Variants in C16orf96 observed in about 807,000 individuals in gnomAD.
The protein encoded by C16orf96 is uncharacterized protein C16orf96.
C16orf96 carries 108 observed loss-of-function variants against 103.6 expected under a neutral mutation model. The observed-to-expected ratio is 1.04, with a 90% CI of 0.89 to 1.22. C16orf96 has a LOEUF of 1.22. Ranked by LOEUF, C16orf96 falls within the 50% of genes most tolerant of loss-of-function variation. C16orf96 has a pLI of 0.00. For synonymous variants in C16orf96, 566 were observed against 593.5 expected, an observed-to-expected ratio of 0.95 and a Z score of 0.67; for missense variants, 1,586 against 1,464.2, an observed-to-expected ratio of 1.08 and a Z score of -1.36.
chr16:4,594,523 G>A lies in C16orf96; in HGVS notation c.3027+13G>A, dbSNP rs930577935. On this transcript the variant is annotated intron_variant, in intron 13 of 15. Transcript: ENST00000444310. ...CGACTATGACAGCGTGAGTCTGGCC[G>A]GGGCCTCCTTCTCAGAGGGTGGACG... 8.4e-6 allele frequency: 13 copies of A among 1,548,818 alleles called. No individual in the cohort carries two copies. The highest frequency in any genetic ancestry group is 2.7e-5 in the African/African-American group (2 of 73,006).
In C16orf96 at chr16:4,576,466, C is replaced by T; in HGVS notation, c.1986C>T (p.Ala662=). The change falls in exon 5 of 16, where the codon GCC becomes GCT. Residue 662 remains alanine, a synonymous_variant. Coordinates refer to ENST00000444310, the MANE Select transcript of C16orf96 (RefSeq NM_001145011.2). ...CTGCCAGCATCGGTCCCGATCCAGCCCTGTCCCAGGCCATGGTGGCTACCA... is the reference window on the plus strand; with the variant it reads ...CTGCCAGCATCGGTCCCGATCCAGCTCTGTCCCAGGCCATGGTGGCTACCA... ...YSAASIGPDP[A]LSQAMVATKQ... The T allele has an allele frequency of 6.4e-7, 1 of 1,551,500 alleles. No homozygotes were observed. The highest frequency in any genetic ancestry group is 2.4e-5 in the East Asian group (1 of 40,924).
the C16orf96 span, among the ~76,000 whole-genome samples, chr16:4,541,724 G>A: frequency 6.6e-6 from 1 of 152,194 alleles, no homozygotes; most frequent in Non-Finnish European, 1.5e-5. Flanking sequence ...GCATTCCTCA[G>A]TGCAAGAAGG....
the C16orf96 span, among the ~76,000 whole-genome samples, chr16:4,540,963 G>C: frequency 1.3e-5 from 2 of 150,974 alleles, no homozygotes; most frequent in Non-Finnish European, 3.0e-5. Flanking sequence ...CACCAGGCTG[G>C]AGTGCAGTGG....
At chr16:4,580,879 C>A (rs2059576477) in intron 7 of C16orf96, among the ~76,000 whole-genome samples, 2 of 151,812 alleles carry the variant, frequency 1.3e-5, no homozygotes, top group African/African-American at 2.4e-5. Flanking sequence ...AATCCCAGCA[C>A]TTTAGGAGGC....
At chr16:4,545,276 AGC>A in the C16orf96 span, among the ~76,000 whole-genome samples, 1 of 152,126 alleles carries the variant, frequency 6.6e-6, no homozygotes, top group African/African-American at 2.4e-5. Flanking sequence ...GCGCGATGAT[AGC>A]TCACTGCAGC....
chr16:4,592,955 G>T (rs983034381), intron 11 of C16orf96, among the ~76,000 whole-genome samples: 1 of 152,238 alleles, frequency 6.6e-6, no homozygotes, highest in Non-Finnish European at 1.5e-5. Context: ...GATCATAGGT[G>T]TATGCCACCG....
chr16:4,589,316 C>T (rs1464367245), intron 9 of C16orf96, among the ~76,000 whole-genome samples: 7 of 151,924 alleles, frequency 4.6e-5, no homozygotes, highest in South Asian at 2.1e-4. Flanking sequence ...TGGTGGCTCA[C>T]GCCTGTTATC....
Position 4,579,146 on chromosome 16 carries a change from G to C in C16orf96, c.2241+121G>C. 3 of 896,362 alleles carry C rather than the reference G, an allele frequency of 3.3e-6. No individual in the cohort carries two copies. In the South Asian group the frequency reaches 5.0e-5, roughly 15 times the overall value. 55.5% of individuals were successfully genotyped at this position (896,362 alleles called of 1,614,324 possible). The stretch of plus-strand genomic sequence containing the variant: ...TGTTCTGCAGCAAAACAGGCTGGGG[G>C]AAAGCGAGCTGGCTGCGAAGGCAGC... On this transcript the variant is annotated intron_variant, in intron 6 of 15. Transcript: ENST00000444310.
rs755861404 is a variant in C16orf96, at chr16:4,588,368, A to T, written c.2592+37A>T. 1.4e-5 allele frequency: 21 copies of T among 1,528,936 alleles called. 1 individual carries two copies. In the South Asian group the frequency reaches 2.5e-4, roughly 18 times the overall value. The allele number at this position is 1,528,936 out of a possible 1,614,324, so 94.7% of individuals were successfully genotyped here. ...CATGTTGATTTTCACTTTATTCCTA[A>T]CAAATTAACCCAGAACTTAGCAACT... On this transcript the variant is annotated intron_variant, in intron 9 of 15. Coordinates refer to ENST00000444310, the MANE Select transcript of C16orf96 (RefSeq NM_001145011.2).
At position 4,576,120 on chromosome 16, in the gene C16orf96, G is replaced by C. The variant is rs1391102056; in HGVS notation, c.1640G>C (p.Gly547Ala). 7.1e-6 allele frequency: 11 copies of C among 1,551,502 alleles called. No individual in the cohort carries two copies. Among genetic ancestry groups the C allele is most frequent in the Non-Finnish European group, 9.6e-6 (11 of 1,146,972 alleles). ...CCCAAGGATAGAGTTGGCAAGGATG[G>C]GGCCCCCAAGGAAGCACAGCCTAAG... ...GDPKDRVGKD[G>A]APKEAQPKAP... The change falls in exon 5 of 16, where the codon GGG becomes GCG. Residue 547 changes from glycine (G) to alanine (A), a missense_variant. Gly to Ala is a moderately conservative substitution (Grantham distance 60). Transcript: ENST00000444310.
At chr16:4,589,933 C>T (rs1161398316) in intron 9 of C16orf96, among the ~76,000 whole-genome samples, 1 of 150,364 alleles carries the variant, frequency 6.7e-6, no homozygotes, top group Non-Finnish European at 1.5e-5. Flanking sequence ...ACCATCCTGA[C>T]CAACACGGTG....
chr16:4,560,411 A>T (rs1418880326), intron 1 of C16orf96: 1 of 152,140 alleles, frequency 6.6e-6, no homozygotes, highest in Non-Finnish European at 1.5e-5. Flanking sequence ...CATGTTGGCC[A>T]GGATGATCTT....
intron 1 of C16orf96, among the ~76,000 whole-genome samples, chr16:4,558,306 C>G (rs1236186016): frequency 6.6e-6 from 1 of 152,112 alleles, no homozygotes; most frequent in Non-Finnish European, 1.5e-5. Context: ...TTACTGGCAG[C>G]CCAAGAAGAA....
rs2059546391 is a variant in C16orf96 at position 4,578,861 on chromosome 16, T to A, written c.2156-79T>A. Reference sequence around the variant, plus strand: ...GGGCAGTGCTGCCTGAGATGCTCCATAAGAGAAGCAGCTAGAGCCCAACAG... The same window carrying A: ...GGGCAGTGCTGCCTGAGATGCTCCAAAAGAGAAGCAGCTAGAGCCCAACAG... On this transcript the variant is annotated intron_variant, in intron 5 of 15. Transcript: ENST00000444310. The A allele has an allele frequency of 2.5e-5, 27 of 1,090,792 alleles. No individual in the cohort carries two copies. In the South Asian group the frequency reaches 3.7e-4, roughly 15 times the overall value. 67.6% of individuals were successfully genotyped at this position (1,090,792 alleles called of 1,614,324 possible).
chr16:4,592,578 C>T (rs982918174), intron 11 of C16orf96, among the ~76,000 whole-genome samples: 2 of 152,220 alleles, frequency 1.3e-5, no homozygotes, highest in Non-Finnish European at 2.9e-5. Flanking sequence ...CTGTTCTGTA[C>T]CGTCAAGTCC....
Position 4,556,586 on chromosome 16 carries a change from A to T in C16orf96, c.97A>T (p.Ile33Phe), listed in dbSNP as rs1004425071. The change falls in exon 1 of 16, where the codon ATC (isoleucine) becomes TTC (phenylalanine). Residue 33 changes from isoleucine to phenylalanine, a missense_variant. Physicochemically the swap from Ile to Phe is conservative, Grantham distance 21. Transcript: ENST00000444310. ...GGCCCTGCACCTCCTGCTGCACGGC[A>T]TCTTGGAGCACATCCACATGGCCGA... ...FKALHLLLHG[I>F]LEHIHMAELK... 9 of 1,551,594 alleles carry T rather than the reference A, an allele frequency of 5.8e-6. No homozygotes were observed. The African/African-American group carries it at 9.6e-5, about 17-fold the overall frequency.
intron 1 of C16orf96, 57 bp from the exon 2 acceptor site, chr16:4,571,504 C>T (rs930349900): frequency 4.1e-6 from 6 of 1,448,728 alleles, no homozygotes; most frequent in Admixed American, 2.0e-5. Flanking sequence ...TTCTGCACTT[C>T]ACTTACCTTC....
intron 1 of C16orf96, among the ~76,000 whole-genome samples, chr16:4,557,616 T>C (rs1295254225): frequency 7.9e-5 from 12 of 152,216 alleles, no homozygotes. Context: ...ACTGATGTAC[T>C]AAATGACACT....
intron 5 of C16orf96, 111 bp downstream of exon 5, chr16:4,576,746 A>G: frequency 9.5e-7 from 1 of 1,055,588 alleles, no homozygotes; most frequent in Admixed American, 2.9e-5. Context: ...TCTGCATTCC[A>G]CCATTAGCCA....
Sources: gnomAD v4.1 joint callset for allele counts (sites outside exome capture counted in the v4.1 genomes callset) on GRCh38, gnomAD v4.1.1 for gene constraint, MANE v1.5 for transcripts, NCBI Gene and HGNC (gene_info 2026-07-23, HGNC 2026-07-21) for gene names.